The following FRMPD4 variants were observed in gnomAD, a reference collection of about 807,000 sequenced individuals.
FRMPD4 encodes the protein FERM and PDZ domain containing 4.
A neutral mutation model predicts 94.1 loss-of-function variants in FRMPD4; 22 were observed. The ratio of observed to expected loss-of-function variants is 0.23; its 90% confidence interval spans 0.17 to 0.33. The LOEUF is 0.33. Among genes scored for constraint, FRMPD4 ranks in the 10% least tolerant of loss-of-function variants. FRMPD4 has a pLI of 1.00. For synonymous variants in FRMPD4, 631 were observed against 548.6 expected, an observed-to-expected ratio of 1.15 and a Z score of -2.10; for missense variants, 1,111 against 1,339.9, an observed-to-expected ratio of 0.83 and a Z score of 2.67.
chrX:12,320,094 T>G (rs1009131189), intron 1 of FRMPD4, among the ~76,000 whole-genome samples: 7 of 112,094 alleles, frequency 6.2e-5, no homozygotes, highest in Non-Finnish European at 1.1e-4. Context: ...GCATTTAGTA[T>G]AATTTGCTGT....
At chrX:12,253,252 G>A (rs1772863042) in intron 1 of FRMPD4, among the ~76,000 whole-genome samples, 1 of 112,371 alleles carries the variant, frequency 8.9e-6, no homozygotes, top group South Asian at 3.7e-4. Context: ...ACCTCTTCCA[G>A]CTCAGCTGGA....
intron 9 of FRMPD4, among the ~76,000 whole-genome samples, chrX:12,699,708 A>G (rs2060168779): frequency 8.9e-6 from 1 of 112,964 alleles, no homozygotes. Flanking sequence ...AAATCAAGTC[A>G]AAAAAGACAA....
chrX:12,714,350 C>T (rs1202715074), intron 14 of FRMPD4, among the ~76,000 whole-genome samples: 1 of 111,488 alleles, frequency 9.0e-6, no homozygotes, highest in Non-Finnish European at 1.9e-5. Context: ...TGCTTAACTC[C>T]AGTGTCTGCC....
At chrX:12,329,872 A>C (rs866448087) in intron 1 of FRMPD4, among the ~76,000 whole-genome samples, 1,646 of 108,717 alleles carry the variant, frequency 0.015, 47 homozygotes, top group African/African-American at 0.051. Context: ...AAAAAAAAAA[A>C]AACAACAACA....
intron 1 of FRMPD4, among the ~76,000 whole-genome samples, chrX:12,314,270 G>A (rs2055079554): frequency 8.9e-6 from 1 of 112,533 alleles, no homozygotes; most frequent in African/African-American, 3.2e-5. Context: ...AATAAGGGCA[G>A]TGATATAAGA....
At chrX:12,474,401 C>A (rs1364674709) in intron 1 of FRMPD4, among the ~76,000 whole-genome samples, 2 of 111,108 alleles carry the variant, frequency 1.8e-5, no homozygotes, top group African/African-American at 3.3e-5. Flanking sequence ...ATTAAAAGAA[C>A]CAGAGAAGCA....
At chrX:12,298,028 T>A (rs749256534) in intron 1 of FRMPD4, among the ~76,000 whole-genome samples, 7 of 111,892 alleles carry the variant, frequency 6.3e-5, no homozygotes, top group Non-Finnish European at 1.3e-4. Context: ...GGCCATAGGA[T>A]CCTGAACTTT....
At chrX:11,902,882 A>G (rs1392923393) in intron 3 of FRMPD4, among the ~76,000 whole-genome samples, 7 of 111,967 alleles carry the variant, frequency 6.3e-5, no homozygotes, top group African/African-American at 2.3e-4. Flanking sequence ...TTATTGCAGT[A>G]ATTTGGGGGA....
intron 3 of FRMPD4, among the ~76,000 whole-genome samples, chrX:11,924,920 T>C (rs1256756207): frequency 9.0e-6 from 1 of 111,567 alleles, no homozygotes; most frequent in Non-Finnish European, 1.9e-5. Context: ...GCTTAAATGT[T>C]AATGGGCTAA....
At chrX:11,872,771 C>T (rs189763731) in intron 2 of FRMPD4, among the ~76,000 whole-genome samples, 2 of 112,202 alleles carry the variant, frequency 1.8e-5, no homozygotes, top group East Asian at 2.8e-4. Context: ...GAAATCTATA[C>T]CAAGGCATGG....
chrX:11,853,449 T>C (rs1461444134), intron 1 of FRMPD4, among the ~76,000 whole-genome samples: 1 of 110,961 alleles, frequency 9.0e-6, no homozygotes, highest in Non-Finnish European at 1.9e-5. Flanking sequence ...CCAGGAGCCA[T>C]TTTTTTAAAA....
intron 3 of FRMPD4, among the ~76,000 whole-genome samples, chrX:12,099,788 G>A (rs530992424): frequency 1.8e-5 from 2 of 112,424 alleles, no homozygotes; most frequent in Middle Eastern, 4.6e-3. Context: ...CAACATAGGG[G>A]AAAGAACATG....
chrX:12,627,442 G>A, intron 4 of FRMPD4, among the ~76,000 whole-genome samples: 1 of 111,800 alleles, frequency 8.9e-6, no homozygotes, highest in Non-Finnish European at 1.9e-5. Flanking sequence ...ACTACAAATT[G>A]TAATCTCACC....
At chrX:12,036,205 G>T (rs1169253509) in intron 3 of FRMPD4, among the ~76,000 whole-genome samples, 2 of 111,337 alleles carry the variant, frequency 1.8e-5, no homozygotes, top group Non-Finnish European at 3.8e-5. Flanking sequence ...TAGCTTGAAG[G>T]ACACAATATC....
At chrX:12,160,068 G>GGTGTGTGT (rs757966489) in intron 1 of FRMPD4, among the ~76,000 whole-genome samples, 5,871 of 99,978 alleles carry the variant, frequency 0.059, 334 homozygotes, top group African/African-American at 0.16. Context: ...GATGTTGAGG[G>GGTGTGTGT]GTGTGTGTGT....
intron 2 of FRMPD4, among the ~76,000 whole-genome samples, chrX:12,505,775 G>A (rs1251328423): frequency 5.5e-5 from 6 of 108,296 alleles, no homozygotes; most frequent in East Asian, 2.9e-4. Flanking sequence ...TGAGACGGGA[G>A]GGCTGGTGAC....
chrX:12,350,947 G>A (rs1021214648), intron 1 of FRMPD4, among the ~76,000 whole-genome samples: 4 of 111,968 alleles, frequency 3.6e-5, no homozygotes, highest in Non-Finnish European at 7.5e-5. Context: ...AGGCCAAGGC[G>A]GGCAGATCAC....
chrX:12,150,929 G>A (rs1256343790), intron 1 of FRMPD4, among the ~76,000 whole-genome samples: 1 of 111,063 alleles, frequency 9.0e-6, no homozygotes, highest in East Asian at 2.8e-4. Context: ...CAGTATATTG[G>A]GAAAATGAAG....
rs753993173 is a variant in FRMPD4 at position 12,034,504 on chromosome X, G to T, written c.95+156486G>T. On this transcript the variant is annotated intron_variant, in intron 3 of 18. Coordinates refer to the FRMPD4 transcript ENST00000640291. ...CATCTGCTGCTTCCTTCATCTGGGA[G>T]TTGGATTACCTGAAAAGATTTTCAT... is the stretch of plus-strand genomic sequence containing the variant. 2.6e-3 allele frequency among the ~76,000 whole-genome samples: 289 copies of T among 111,948 alleles called. 3 individuals carry two copies. The highest frequency in any genetic ancestry group is 2.4e-3 in the Non-Finnish European group (128 of 53,182).
Sources: gnomAD v4.1 joint callset for allele counts (sites outside exome capture counted in the v4.1 genomes callset) on GRCh38, gnomAD v4.1.1 for gene constraint, MANE v1.5 for transcripts, NCBI Gene and HGNC (gene_info 2026-07-23, HGNC 2026-07-21) for gene names.